Variants in NRG1 observed in about 807,000 individuals in gnomAD.
NRG1 encodes the protein pro-neuregulin-1, membrane-bound isoform.
A neutral mutation model predicts 63.8 loss-of-function variants in NRG1; 18 were observed. The observed-to-expected ratio is 0.28, with a 90% CI of 0.19 to 0.42. The LOEUF (loss-of-function observed/expected upper bound fraction) is 0.42, where lower values mean the gene tolerates loss of function less well. Ranked by LOEUF, NRG1 falls within the 10% of genes least tolerant of loss-of-function variation. The probability of loss-of-function intolerance (pLI) is 1.00; values close to 1 mark genes in which losing one functional copy is unlikely to be tolerated. For missense variants in NRG1, 762 were observed against 814.7 expected, an observed-to-expected ratio of 0.94 and a Z score of 0.79; for synonymous variants, 302 against 301.3, an observed-to-expected ratio of 1.00 and a Z score of -0.02.
At chr8:32,386,379 G>A (rs552317693) in intron 1 of NRG1, among the ~76,000 whole-genome samples, 2 of 152,250 alleles carry the variant, frequency 1.3e-5, no homozygotes, top group African/African-American at 4.8e-5. Flanking sequence ...TCCTCCCTCC[G>A]TTGCCTCTGT....
chr8:31,807,040 T>C (rs376994885), intron 1 of NRG1, among the ~76,000 whole-genome samples: 11 of 152,186 alleles, frequency 7.2e-5, no homozygotes, highest in Admixed American at 2.6e-4. Context: ...AAAAAGACAA[T>C]GCTTTGTCAA....
chr8:32,213,351 C>T (rs1478460553), intron 1 of NRG1, among the ~76,000 whole-genome samples: 1 of 152,100 alleles, frequency 6.6e-6, no homozygotes, highest in Non-Finnish European at 1.5e-5. Context: ...CCTCAGCAAA[C>T]TAACACAGGA....
At chr8:32,614,519 A>G in exon 4 of NRG1, 1 of 1,612,300 alleles carries the variant, frequency 6.2e-7, no homozygotes, top group South Asian at 1.1e-5. Flanking sequence ...TTCAGAGATC[A>G]TCACTGGTAT....
intron 1 of NRG1, among the ~76,000 whole-genome samples, chr8:32,015,065 C>T (rs555301760): frequency 5.3e-5 from 8 of 152,222 alleles, no homozygotes; most frequent in African/African-American, 1.4e-4. Flanking sequence ...ACCTCTAGAG[C>T]TGCAGGATGA....
At chr8:31,738,670 G>C (rs1814941661) in intron 1 of NRG1, among the ~76,000 whole-genome samples, 1 of 152,040 alleles carries the variant, frequency 6.6e-6, no homozygotes, top group African/African-American at 2.4e-5. Flanking sequence ...TGTTGGCAGG[G>C]CCATGCTCCC....
intron 1 of NRG1, among the ~76,000 whole-genome samples, chr8:32,086,228 TAAAG>T (rs1828202184): frequency 6.6e-6 from 1 of 152,226 alleles, no homozygotes; most frequent in Non-Finnish European, 1.5e-5. Flanking sequence ...TTTAAAGTGA[TAAAG>T]AAAAATAAGA....
Position 32,297,343 on chromosome 8 carries a change from G to A in NRG1, c.38-298485G>A, listed in dbSNP as rs1424759893. Among the ~76,000 whole-genome samples, 4 of 151,950 alleles carry A rather than the reference G, an allele frequency of 2.6e-5. No homozygotes were observed. In the East Asian group the frequency reaches 7.8e-4, roughly 30 times the overall value. ...AAACCATAAATAGAATTTTCCTTTTGGCATTTACTTCATTTTAGACTCATT... is the reference window on the plus strand; with the variant it reads ...AAACCATAAATAGAATTTTCCTTTTAGCATTTACTTCATTTTAGACTCATT... On this transcript the variant is annotated intron_variant, in intron 1 of 10. Coordinates refer to the NRG1 transcript ENST00000519301.
Position 31,716,409 on chromosome 8 carries a change from C to T in NRG1, c.37+76978C>T, listed in dbSNP as rs186263946. 3.9e-5 allele frequency among the ~76,000 whole-genome samples: 6 copies of T among 152,274 alleles called. No individual in the cohort carries two copies. The East Asian group carries it at 9.6e-4, about 24-fold the overall frequency. On this transcript the variant is annotated intron_variant, in intron 1 of 10. Coordinates refer to the NRG1 transcript ENST00000519301. ...GAGCATGGCAAAATATGCTTATTTT[C>T]CTTCAGAAGCGCATCTTTGTGTTAA...
chr8:31,816,807 G>A (rs1445264710), intron 1 of NRG1, among the ~76,000 whole-genome samples: 1 of 152,088 alleles, frequency 6.6e-6, no homozygotes, highest in Admixed American at 6.6e-5. Context: ...TGCCTCTTCA[G>A]CCCTAAACAC....
At chr8:31,849,891 G>C (rs1280453832) in intron 1 of NRG1, among the ~76,000 whole-genome samples, 1 of 152,016 alleles carries the variant, frequency 6.6e-6, no homozygotes, top group Non-Finnish European at 1.5e-5. Context: ...GCAATCTGTT[G>C]GGGGGAAATT....
At chr8:31,965,248 A>G (rs1330525240) in intron 1 of NRG1, among the ~76,000 whole-genome samples, 1 of 150,346 alleles carries the variant, frequency 6.7e-6, no homozygotes, top group East Asian at 1.9e-4. Flanking sequence ...TTTGAGACAG[A>G]GTCTCACTCT....
chr8:31,854,937 A>C lies in NRG1; in HGVS notation c.37+215506A>C, dbSNP rs564037095. On this transcript the variant is annotated intron_variant, in intron 1 of 10. Transcript: ENST00000519301. ...CTGAGCGGTTTTGAGTGAGATTCTT[A>C]ATCCTGAGTTCTAGTTTGATTGCAC... Among the ~76,000 whole-genome samples, 65 of 152,268 alleles carry C rather than the reference A, an allele frequency of 4.3e-4. No individual in the cohort carries two copies. The Middle Eastern group carries it at 0.014, about 32-fold the overall frequency.
intron 1 of NRG1, among the ~76,000 whole-genome samples, chr8:32,490,233 A>G (rs1826387970): frequency 6.6e-6 from 1 of 151,808 alleles, no homozygotes; most frequent in Non-Finnish European, 1.5e-5. Context: ...TGAACCCAGG[A>G]GTTCAAGGCT....
chr8:32,392,272 T>C (rs1811870545), intron 1 of NRG1, among the ~76,000 whole-genome samples: 1 of 152,208 alleles, frequency 6.6e-6, no homozygotes, highest in South Asian at 2.1e-4. Flanking sequence ...AATTGCATTC[T>C]TCCTCTAAAT....
intron 1 of NRG1, among the ~76,000 whole-genome samples, chr8:32,404,356 C>T (rs1813660392): frequency 6.6e-6 from 1 of 152,130 alleles, no homozygotes; most frequent in African/African-American, 2.4e-5. Flanking sequence ...TCTTCAATGC[C>T]TAGTGTCCTT....
chr8:31,798,013 G>T (rs1323248537), intron 1 of NRG1, among the ~76,000 whole-genome samples: 2 of 152,114 alleles, frequency 1.3e-5, no homozygotes, highest in South Asian at 4.1e-4. Flanking sequence ...GTAGAATTGT[G>T]GTTATTAGAG....
intron 1 of NRG1, among the ~76,000 whole-genome samples, chr8:32,438,928 C>T (rs544509171): frequency 6.6e-6 from 1 of 152,194 alleles, no homozygotes; most frequent in South Asian, 2.1e-4. Flanking sequence ...TTCTTGATAG[C>T]AGTCCTTTGT....
At chr8:31,660,660 T>C (rs925341707) in intron 1 of NRG1, among the ~76,000 whole-genome samples, 4 of 152,208 alleles carry the variant, frequency 2.6e-5, no homozygotes, top group Admixed American at 1.3e-4. Context: ...TGGAAGAGAA[T>C]TTATTTCTGA....
chr8:31,642,979 AGTGTGT>A (rs34942505), intron 1 of NRG1, among the ~76,000 whole-genome samples: 3 of 150,968 alleles, frequency 2.0e-5, no homozygotes, highest in Non-Finnish European at 3.0e-5. Context: ...TGAGTGTAAA[AGTGTGT>A]GTGTGTGTGT....
Sources: gnomAD v4.1 joint callset for allele counts (sites outside exome capture counted in the v4.1 genomes callset) on GRCh38, gnomAD v4.1.1 for gene constraint, MANE v1.5 for transcripts, NCBI Gene and HGNC (gene_info 2026-07-23, HGNC 2026-07-21) for gene names.